Variants in ROPN1L observed in about 807,000 individuals in gnomAD.
The protein encoded by ROPN1L is ropporin-1-like protein.
Under a neutral mutation model 22.7 loss-of-function variants are expected in ROPN1L, and 23 were observed. The observed-to-expected ratio is 1.01, with a 90% CI of 0.73 to 1.43. The LOEUF is 1.43. ROPN1L is among the 40% of genes most tolerant of loss of function. The pLI is 0.00. For missense variants in ROPN1L, 271 were observed against 291.5 expected (o/e 0.93, Z 0.51); for synonymous variants, 116 against 117.8 (o/e 0.98, Z 0.10).
intron 1 of ROPN1L, among the ~76,000 whole-genome samples, chr5:10,444,360 G>C (rs1250566831): frequency 6.6e-6 from 1 of 151,978 alleles, no homozygotes; most frequent in Non-Finnish European, 1.5e-5. Flanking sequence ...GCGAGATCTC[G>C]GCTCACGGCA....
At chr5:10,473,441 G>C (rs1426953267), downstream of ROPN1L, among the ~76,000 whole-genome samples, 1 of 152,170 alleles carries the variant, frequency 6.6e-6, no homozygotes, top group African/African-American at 2.4e-5. Flanking sequence ...GGAGTGCTTG[G>C]AGCCACCAGA....
At chr5:10,462,899 CAACAAT>C (rs1453910703) in intron 4 of ROPN1L, among the ~76,000 whole-genome samples, 3 of 23,736 alleles carry the variant, frequency 1.3e-4, no homozygotes, top group East Asian at 0.014. Context: ...CAAATAATAA[CAACAAT>C]AATAATAATA....
At chr5:10,461,071 T>C (rs1036088856) in intron 3 of ROPN1L, 113 bp from the exon 4 acceptor site, 1 of 923,686 alleles carries the variant, frequency 1.1e-6, no homozygotes, top group African/African-American at 1.7e-5. Context: ...CACATACTTT[T>C]TGGAGAATTT....
At chr5:10,457,707 G>C (rs1734872563) in intron 3 of ROPN1L, among the ~76,000 whole-genome samples, 1 of 152,186 alleles carries the variant, frequency 6.6e-6, no homozygotes, top group African/African-American at 2.4e-5. Context: ...GCCCTTTCCT[G>C]TCCCTGAGGA....
At chr5:10,465,130 T>C (rs1241455185), downstream of ROPN1L, 1 of 416,920 alleles carries the variant, frequency 2.4e-6, no homozygotes, top group East Asian at 3.8e-5. Flanking sequence ...GGACCTTAAG[T>C]GTAAGAAGTT....
At position 10,447,963 on chromosome 5, in the gene ROPN1L, C is replaced by T. The variant is rs376637346; in HGVS notation, c.132-297C>T. 5.3e-5 allele frequency among the ~76,000 whole-genome samples: 8 copies of T among 152,316 alleles called. 1 individual carries two copies. In the East Asian group the frequency reaches 1.3e-3, roughly 26 times the overall value. ...GTGGCAGGGAGGAGGGGAAGAATCA[C>T]ACATGTTGAAGGAGCTTCTGCGAGT... On this transcript the variant is annotated intron_variant, in intron 1 of 4. Transcript: ENST00000274134.
the ROPN1L span, among the ~76,000 whole-genome samples, chr5:10,477,447 G>T: frequency 6.6e-6 from 1 of 152,198 alleles, no homozygotes; most frequent in East Asian, 1.9e-4. Flanking sequence ...GGTGGAACAA[G>T]GACACGCAGC....
intron 4 of ROPN1L, among the ~76,000 whole-genome samples, chr5:10,471,391 G>A (rs559416516): frequency 1.4e-4 from 21 of 152,020 alleles, no homozygotes; most frequent in African/African-American, 3.9e-4. Context: ...CAAGTGATCC[G>A]CCTGCCTTGG....
chr5:10,473,917 T>C (rs1232715110), downstream of ROPN1L, among the ~76,000 whole-genome samples: 1 of 152,126 alleles, frequency 6.6e-6, no homozygotes. Context: ...TTTAGGAGGC[T>C]GAGGCAGGTG....
the ROPN1L span, among the ~76,000 whole-genome samples, chr5:10,479,964 G>C: frequency 6.6e-6 from 1 of 152,088 alleles, no homozygotes; most frequent in Non-Finnish European, 1.5e-5. Flanking sequence ...GGATGGTCTT[G>C]AACCCCCAAC....
intron 3 of ROPN1L, among the ~76,000 whole-genome samples, chr5:10,460,597 G>A (rs1735001210): frequency 6.6e-6 from 1 of 152,248 alleles, no homozygotes; most frequent in Admixed American, 6.5e-5. Context: ...ACGGTCTCAG[G>A]GAGGAAGTCC....
At chr5:10,450,572 C>T (rs1268251100) in intron 3 of ROPN1L, among the ~76,000 whole-genome samples, 1 of 152,124 alleles carries the variant, frequency 6.6e-6, no homozygotes, top group East Asian at 1.9e-4. Context: ...AATCTCGGCT[C>T]ACCGCAACCT....
intron 1 of ROPN1L, among the ~76,000 whole-genome samples, chr5:10,446,872 AC>A (rs1260599934): frequency 6.6e-6 from 1 of 152,126 alleles, no homozygotes; most frequent in Non-Finnish European, 1.5e-5. Flanking sequence ...AAAACGAGGC[AC>A]CTATTCTTCA....
chr5:10,446,314 C>T (rs1741060599), intron 1 of ROPN1L, among the ~76,000 whole-genome samples: 1 of 152,208 alleles, frequency 6.6e-6, no homozygotes, highest in Non-Finnish European at 1.5e-5. Context: ...GCCTCCTGGC[C>T]TGCACCCACT....
chr5:10,462,111 T>A (rs143965868), intron 4 of ROPN1L, among the ~76,000 whole-genome samples: 231 of 152,338 alleles, frequency 1.5e-3, no homozygotes, highest in African/African-American at 5.4e-3. Context: ...AAGGTTGGGC[T>A]GGGCTGAAAG....
chr5:10,450,154 C>T, intron 3 of ROPN1L, 41 bp downstream of exon 3: 1 of 1,459,786 alleles, frequency 6.9e-7, no homozygotes, highest in Non-Finnish European at 9.2e-7. Flanking sequence ...TCTGTGTCAT[C>T]ATGGTCCCAG....
downstream of ROPN1L, among the ~76,000 whole-genome samples, chr5:10,472,691 C>T (rs1735267970): frequency 6.6e-6 from 1 of 152,166 alleles, no homozygotes; most frequent in South Asian, 2.1e-4. Flanking sequence ...GTGGATTATA[C>T]AGGGCGTGTT....
intron 3 of ROPN1L, among the ~76,000 whole-genome samples, chr5:10,454,182 A>T (rs1221112980): frequency 6.6e-6 from 1 of 151,802 alleles, no homozygotes; most frequent in Non-Finnish European, 1.5e-5. Flanking sequence ...GCTGGAGTGC[A>T]GTGGCATGGT....
intron 3 of ROPN1L, among the ~76,000 whole-genome samples, chr5:10,454,368 T>C (rs576550622): frequency 3.9e-5 from 6 of 152,320 alleles, no homozygotes; most frequent in African/African-American, 1.4e-4. Flanking sequence ...AGCAGTCCTC[T>C]TGTCTTGGCC....
Sources: allele counts gnomAD v4.1 joint callset (sites outside exome capture counted in the v4.1 genomes callset), GRCh38; gene constraint gnomAD v4.1.1; transcripts MANE v1.5; gene names NCBI Gene and HGNC (gene_info 2026-07-23, HGNC 2026-07-21).